C5: variants seen among roughly 807,000 people sequenced by gnomAD.
C5 encodes the protein C3 and PZP-like alpha-2-macroglobulin domain-containing protein 4.
Under a neutral mutation model 218.8 loss-of-function variants are expected in C5, and 140 were observed. That is an observed-to-expected ratio of 0.64 (90% confidence interval 0.56 to 0.74). The LOEUF is 0.74. C5 is among the 30% of genes least tolerant of loss of function. The pLI, the probability that C5 is intolerant of heterozygous loss-of-function variation, is 0.00. For synonymous variants in C5, 614 were observed against 682.3 expected (o/e 0.90, Z 1.56); for missense variants, 1,700 against 1,969.6 (o/e 0.86, Z 2.59).
intron 3 of C5, among the ~76,000 whole-genome samples, chr9:121,042,318 A>G (rs1466322494): frequency 6.6e-6 from 1 of 152,214 alleles, no homozygotes; most frequent in Non-Finnish European, 1.5e-5. Flanking sequence ...TTGATTGGCT[A>G]TTCTGCCCTT....
At chr9:120,970,730 C>G (rs1404860833) in intron 31 of C5, among the ~76,000 whole-genome samples, 1 of 152,188 alleles carries the variant, frequency 6.6e-6, no homozygotes, top group Non-Finnish European at 1.5e-5. Flanking sequence ...TGGACAATCT[C>G]TCCTCCCCCA....
At position 121,050,262 on chromosome 9, in the gene C5, G is replaced by C. The variant is rs771997185; in HGVS notation, c.-16C>G. 11 of 1,602,710 alleles carry C rather than the reference G, an allele frequency of 6.9e-6. No homozygotes were observed. In the Admixed American group the frequency reaches 1.8e-4, roughly 27 times the overall value. ...AAAGGCCCATGGTTGGAGGTAGCAGGAAACCACGGATATAACACTTTTGAG... is the reference window on the plus strand; with the variant it reads ...AAAGGCCCATGGTTGGAGGTAGCAGCAAACCACGGATATAACACTTTTGAG... On this transcript the variant is annotated 5_prime_UTR_variant, in exon 1 of 41. Transcript: ENST00000223642.
chr9:120,974,077 T>A (rs531991683), intron 30 of C5, among the ~76,000 whole-genome samples: 1 of 152,340 alleles, frequency 6.6e-6, no homozygotes, highest in East Asian at 1.9e-4. Context: ...CATTTAAATA[T>A]ACTTTAAAAT....
chr9:120,970,105 G>T, intron 32 of C5, 65 bp downstream of exon 32: 2 of 1,085,510 alleles, frequency 1.8e-6, no homozygotes, highest in Non-Finnish European at 2.8e-6. Flanking sequence ...AATCAGAGAA[G>T]CTCTCTATTT....
At chr9:121,068,766 G>T in the C5 span, among the ~76,000 whole-genome samples, 1 of 152,152 alleles carries the variant, frequency 6.6e-6, no homozygotes, top group Admixed American at 6.5e-5. Flanking sequence ...GCATGATATT[G>T]TCATAAAAAC....
intron 22 of C5, among the ~76,000 whole-genome samples, chr9:120,992,365 T>A (rs2047083077): frequency 6.6e-6 from 1 of 152,240 alleles, no homozygotes; most frequent in Non-Finnish European, 1.5e-5. Context: ...TTAGTATATA[T>A]GTGACGCTGG....
chr9:121,074,549 C>A, the C5 span, among the ~76,000 whole-genome samples: 1 of 152,230 alleles, frequency 6.6e-6, no homozygotes, highest in Non-Finnish European at 1.5e-5. Context: ...AGAACACTCG[C>A]TCATAGCGCG....
At chr9:121,019,885 A>T in intron 12 of C5, 91 bp downstream of exon 12, 1 of 810,576 alleles carries the variant, frequency 1.2e-6, no homozygotes, top group South Asian at 1.5e-5. Flanking sequence ...TGGGAATAAA[A>T]GTATAAAGGA....
chr9:120,994,000 T>C (rs1476687216), intron 22 of C5, among the ~76,000 whole-genome samples: 1 of 152,048 alleles, frequency 6.6e-6, no homozygotes, highest in Non-Finnish European at 1.5e-5. Flanking sequence ...AACTTAACAC[T>C]CTGCATTTGA....
chr9:120,984,441 T>C (rs1174739232), intron 25 of C5, among the ~76,000 whole-genome samples: 1 of 152,144 alleles, frequency 6.6e-6, no homozygotes, highest in Non-Finnish European at 1.5e-5. Context: ...ACATTTTACA[T>C]TGGGTCTCTC....
At chr9:121,073,858 A>G in the C5 span, among the ~76,000 whole-genome samples, 2 of 152,160 alleles carry the variant, frequency 1.3e-5, no homozygotes, top group Non-Finnish European at 2.9e-5. Context: ...GGAAGTGTTA[A>G]TAGGTAAAAG....
chr9:120,997,213 T>C (rs1037033942), intron 21 of C5, among the ~76,000 whole-genome samples: 2 of 152,146 alleles, frequency 1.3e-5, no homozygotes, highest in Non-Finnish European at 2.9e-5. Context: ...TGTGTACCAA[T>C]TGTACCTGTA....
At chr9:121,032,234 A>G (rs896816847) in intron 5 of C5, 39 bp from the exon 6 acceptor site, 20 of 1,197,184 alleles carry the variant, frequency 1.7e-5, no homozygotes, top group Non-Finnish European at 2.5e-5. Flanking sequence ...GATGTCATCA[A>G]ATGTTTTTAA....
chr9:121,028,167 T>C lies in C5; in HGVS notation c.759-893A>G, dbSNP rs1298537873. ...AGATACCATCTCACACCAGTTAGAA[T>C]GGCAATCATTAAAAAGTCAGGAAAC... On this transcript the variant is annotated intron_variant, in intron 7 of 40. Transcript: ENST00000223642. Among the ~76,000 whole-genome samples, 29 of 152,168 alleles carry C rather than the reference T, an allele frequency of 1.9e-4. 1 individual carries two copies. The highest frequency in any genetic ancestry group is 1.9e-3 in the Admixed American group (29 of 15,274).
intron 39 of C5, among the ~76,000 whole-genome samples, chr9:120,954,918 G>C (rs2046774092): frequency 6.6e-6 from 1 of 152,190 alleles, no homozygotes; most frequent in Non-Finnish European, 1.5e-5. Flanking sequence ...TGCCATTTCA[G>C]CCCCTGTCAT....
chr9:120,984,634 T>A (rs1435789329), intron 25 of C5, among the ~76,000 whole-genome samples: 2 of 151,338 alleles, frequency 1.3e-5, no homozygotes, highest in African/African-American at 4.9e-5. Flanking sequence ...TCCTTTGGGA[T>A]CAATTATAAA....
chr9:121,069,917 T>TG, the C5 span, among the ~76,000 whole-genome samples: 1 of 152,198 alleles, frequency 6.6e-6, no homozygotes, highest in Non-Finnish European at 1.5e-5. Context: ...AACTACCATA[T>TG]GATCCAGCAA....
At position 121,023,505 on chromosome 9, in the gene C5, C is replaced by T. The variant is rs1319247741; in HGVS notation, c.1015G>A (p.Glu339Lys). Residue 339 changes from glutamate to lysine, a missense_variant, in exon 10 of 41, where the codon GAG (glutamate) becomes AAG (lysine). Glu to Lys is a moderately conservative substitution (Grantham distance 56, BLOSUM62 1). Coordinates refer to ENST00000223642, the MANE Select transcript of C5 (RefSeq NM_001735.3). ...VIESTGGFSE[E>K]AEIPGIKYVL... Reference sequence around the variant, plus strand: ...TATTTGATGCCAGGTATTTCTGCCTCTTCAGAAAATCCACCTAAGGAAATG... The same window carrying T: ...TATTTGATGCCAGGTATTTCTGCCTTTTCAGAAAATCCACCTAAGGAAATG... 2 of 1,610,738 alleles carry T rather than the reference C, an allele frequency of 1.2e-6. No homozygotes were observed. Among genetic ancestry groups the T allele is most frequent in the Admixed American group, 1.7e-5 (1 of 60,018 alleles).
intron 28 of C5, among the ~76,000 whole-genome samples, chr9:120,978,078 T>C: frequency 6.6e-6 from 1 of 152,212 alleles, no homozygotes; most frequent in East Asian, 1.9e-4. Flanking sequence ...ATCCTGGAAA[T>C]TATGAGATTA....
Sources: allele counts gnomAD v4.1 joint callset (sites outside exome capture counted in the v4.1 genomes callset), GRCh38; gene constraint gnomAD v4.1.1; transcripts MANE v1.5; gene names NCBI Gene and HGNC (gene_info 2026-07-23, HGNC 2026-07-21).